Variants in HUWE1 observed in about 807,000 individuals in gnomAD.
HUWE1 encodes the protein HECT, UBA and WWE domain containing E3 ubiquitin protein ligase 1.
In HUWE1, 18 loss-of-function variants were observed where a neutral mutation model predicts 299.4. The ratio of observed to expected loss-of-function variants is 0.06; its 90% CI spans 0.04 to 0.09. The LOEUF is 0.09. Ranked by LOEUF, HUWE1 falls within the 10% of genes least tolerant of loss-of-function variation. The pLI is 1.00. For synonymous variants in HUWE1, 1,317 were observed against 1,286.1 expected (o/e 1.02, Z -0.51); for missense variants, 1,832 against 3,462.3 (o/e 0.53, Z 11.82).
chrX:53,551,583 C>A, intron 63 of HUWE1, 103 bp from the exon 64 acceptor site: 1 of 745,691 alleles, frequency 1.3e-6, no homozygotes, highest in Non-Finnish European at 2.0e-6. Context: ...GCAACCCTTG[C>A]CTCACTGCAG....
chrX:53,638,952 T>A (rs2149162492), intron 7 of HUWE1, among the ~76,000 whole-genome samples: 1 of 112,165 alleles, frequency 8.9e-6, no homozygotes, highest in Admixed American at 9.5e-5. Context: ...TAAAAACTAC[T>A]ATGAGGAAAG....
At chrX:53,684,220 T>C (rs1446117276) in intron 2 of HUWE1, 2 of 203,501 alleles carry the variant, frequency 9.8e-6, no homozygotes, top group Non-Finnish European at 1.8e-5. Flanking sequence ...ATCGCGATAT[T>C]ACGCTTTAGC....
chrX:53,599,923 A>G (rs782541576), intron 29 of HUWE1, among the ~76,000 whole-genome samples, 195 bp downstream of exon 29: 14 of 112,115 alleles, frequency 1.2e-4, no homozygotes, highest in African/African-American at 4.5e-4. Flanking sequence ...TCAGGAAGGG[A>G]TTCTGTCATG....
In HUWE1 at chrX:53,607,622, C is replaced by A. The variant is rs1416684717; in HGVS notation, c.2397G>T (p.Leu799=). 1.7e-6 allele frequency: 2 copies of A among 1,205,427 alleles called. No homozygotes were observed. Among genetic ancestry groups the A allele is most frequent in the African/African-American group, 3.5e-5 (2 of 57,255 alleles). Residue 799 remains leucine, a synonymous_variant, in exon 25 of 84, where the codon CTG becomes CTT. Transcript: ENST00000262854. ...HCQEFVNQKG[L]LPLVTILGLP... is the part of the protein sequence containing the mutation. ...GACCCAAAATGGTAACCAAAGGCAA[C>A]AGTCCTTTCTGATTCACAAATTCCT...
intron 28 of HUWE1, among the ~76,000 whole-genome samples, chrX:53,601,741 T>C (rs1410676022): frequency 2.8e-5 from 3 of 106,276 alleles, no homozygotes; most frequent in Non-Finnish European, 5.8e-5. Flanking sequence ...CGATTTCGGC[T>C]CACTGCAACC....
intron 12 of HUWE1, 137 bp downstream of exon 12, chrX:53,630,798 T>G (rs781783413): frequency 4.2e-6 from 2 of 480,613 alleles, no homozygotes; most frequent in South Asian, 2.9e-5. Context: ...CAGTGAACAC[T>G]GGGAGGGGTG....
chrX:53,542,704 C>G, intron 73 of HUWE1, 165 bp from the exon 74 acceptor site: 1 of 476,041 alleles, frequency 2.1e-6, no homozygotes, highest in Non-Finnish European at 3.7e-6. Flanking sequence ...ATGCCTTTCC[C>G]AACTCTTCTG....
At chrX:53,572,842 A>T (rs1000535906) in intron 47 of HUWE1, among the ~76,000 whole-genome samples, 2 of 111,428 alleles carry the variant, frequency 1.8e-5, no homozygotes, top group African/African-American at 6.5e-5. Flanking sequence ...TCCTTTAGAC[A>T]CTTTTACTTA....
intron 18 of HUWE1, 121 bp downstream of exon 18, chrX:53,625,036 A>G (rs190697448): frequency 3.8e-6 from 2 of 521,577 alleles, no homozygotes; most frequent in South Asian, 2.8e-5. Flanking sequence ...AAGCTATTGA[A>G]AATGGCATGG....
chrX:53,569,687 G>C lies in HUWE1; in HGVS notation c.6453C>G (p.Ala2151=). The C allele has an allele frequency of 8.3e-7, 1 of 1,211,707 alleles. No homozygotes were observed. The highest frequency in any genetic ancestry group is 3.0e-5 in the East Asian group (1 of 33,844). Residue 2151 remains alanine, a synonymous_variant, in exon 48 of 84, where the codon GCC becomes GCG. Coordinates refer to ENST00000262854, the MANE Select transcript of HUWE1 (RefSeq NM_031407.7). ...GGGCTGCTTTTACTTCATTCACTAG[G>C]GCCACCTGGGCATCTGTGCCACTCC... ...AAGSGTDAQV[A]LVNEVKAALG... is the part of the protein sequence containing the mutation.
At chrX:53,639,336 T>C (rs1168112514) in intron 7 of HUWE1, among the ~76,000 whole-genome samples, 4 of 112,000 alleles carry the variant, frequency 3.6e-5, no homozygotes, top group Non-Finnish European at 3.8e-5. Flanking sequence ...TATAATATCA[T>C]ATTAAATGTA....
At chrX:53,577,457 TAAAAAAAAAAA>T (rs782304486) in intron 43 of HUWE1, among the ~76,000 whole-genome samples, 1 of 76,863 alleles carries the variant, frequency 1.3e-5, no homozygotes, top group African/African-American at 5.1e-5. Context: ...AACGTTTTAT[TAAAAAAAAAAA>T]AAAAAAAACT....
chrX:53,582,542 C>T (rs1465850110), intron 42 of HUWE1, among the ~76,000 whole-genome samples: 4 of 112,469 alleles, frequency 3.6e-5, no homozygotes, highest in African/African-American at 1.3e-4. Flanking sequence ...CTCTAAGTAA[C>T]GATCTTAAAC....
At chrX:53,576,766 G>A (rs1484406866) in intron 44 of HUWE1, 134 bp downstream of exon 44, 8 of 596,187 alleles carry the variant, frequency 1.3e-5, no homozygotes, top group Non-Finnish European at 2.2e-5. Context: ...CATGCAATGG[G>A]TATCTTATTC....
chrX:53,593,285 T>C (rs1266711617), intron 32 of HUWE1, 79 bp downstream of exon 32: 5 of 728,718 alleles, frequency 6.9e-6, no homozygotes, highest in Non-Finnish European at 8.6e-6. Context: ...AGCATGTTAT[T>C]TCATTAAGCA....
Position 53,563,826 on chromosome X carries a change from A to G in HUWE1, c.7030-5T>C, listed in dbSNP as rs782662598. The G allele has an allele frequency of 9.9e-6, 12 of 1,208,612 alleles. No individual in the cohort carries two copies. Among genetic ancestry groups the G allele is most frequent in the Non-Finnish European group, 1.3e-5 (12 of 893,740 alleles). ...GTCCTCCAGCTCATTCTCAACCTGG[A>G]GAGAAATAGAACATATATATGGATG... On this transcript the variant is annotated splice_polypyrimidine_tract_variant and splice_region_variant and intron_variant, in intron 51 of 83. Transcript: ENST00000262854.
At chrX:53,625,920 G>A (rs782592051) in intron 17 of HUWE1, 4 of 375,578 alleles carry the variant, frequency 1.1e-5, no homozygotes, top group Non-Finnish European at 2.1e-5. Flanking sequence ...ACCAGGGCTG[G>A]GGCCAGAAGA....
intron 25 of HUWE1, among the ~76,000 whole-genome samples, chrX:53,607,316 G>A (rs1457257401): frequency 4.5e-5 from 5 of 111,826 alleles, no homozygotes; most frequent in African/African-American, 1.6e-4. Context: ...ATACCCAACC[G>A]ATGAACAAAG....
chrX:53,682,869 A>G (rs1180560628), intron 2 of HUWE1, among the ~76,000 whole-genome samples: 1 of 111,269 alleles, frequency 9.0e-6, no homozygotes. Context: ...AGGGGGAGGA[A>G]TGAGGAAGGC....
Sources: gnomAD v4.1 joint callset for allele counts (sites outside exome capture counted in the v4.1 genomes callset) on GRCh38, gnomAD v4.1.1 for gene constraint, MANE v1.5 for transcripts, NCBI Gene and HGNC (gene_info 2026-07-23, HGNC 2026-07-21) for gene names.